TRAPPC10: variants seen among roughly 807,000 people sequenced by gnomAD.
TRAPPC10 encodes the protein TRAPP 130 kDa subunit.
Under a neutral mutation model 125.5 loss-of-function variants are expected in TRAPPC10, and 23 were observed. The observed-to-expected ratio is 0.18, with a 90% CI of 0.13 to 0.26. The LOEUF (loss-of-function observed/expected upper bound fraction) is 0.26. Ranked by LOEUF, TRAPPC10 falls within the 10% of genes least tolerant of loss-of-function variation. The pLI is 1.00. For missense variants in TRAPPC10, 1,123 were observed against 1,308.4 expected (o/e 0.86, Z 2.19); for synonymous variants, 509 against 518.0 (o/e 0.98, Z 0.24).
At chr21:44,092,130 T>C in intron 19 of TRAPPC10, 81 bp downstream of exon 19, 3 of 1,553,318 alleles carry the variant, frequency 1.9e-6, no homozygotes, top group Non-Finnish European at 2.6e-6. Flanking sequence ...GTGTTGCGAC[T>C]GAGCCTTTAG....
intron 2 of TRAPPC10, among the ~76,000 whole-genome samples, chr21:44,035,978 A>G (rs928888299): frequency 2.0e-5 from 3 of 152,172 alleles, no homozygotes; most frequent in African/African-American, 7.2e-5. Context: ...AAAAGCAGGA[A>G]TGGGAGAGCA....
intron 6 of TRAPPC10, among the ~76,000 whole-genome samples, chr21:44,061,128 AT>A (rs2036021229): frequency 6.6e-6 from 1 of 150,428 alleles, no homozygotes; most frequent in Admixed American, 6.6e-5. Context: ...TTTAATTTTA[AT>A]TTAATTTAAT....
intron 1 of TRAPPC10, among the ~76,000 whole-genome samples, chr21:44,016,916 A>G (rs557433567): frequency 6.6e-6 from 1 of 152,320 alleles, no homozygotes; most frequent in Non-Finnish European, 1.5e-5. Flanking sequence ...CAGCCTCCCA[A>G]AGTGCTGGGA....
intron 13 of TRAPPC10, among the ~76,000 whole-genome samples, chr21:44,081,006 TTTTTTTTTTTC>T (rs1293199107): frequency 1.3e-5 from 1 of 74,808 alleles, no homozygotes; most frequent in Non-Finnish European, 2.1e-5. Context: ...ATTATTGTTC[TTTTTTTTTTTC>T]TTTTTTTTTT....
chr21:44,070,144 C>T (rs993249761), intron 7 of TRAPPC10, among the ~76,000 whole-genome samples: 2 of 152,068 alleles, frequency 1.3e-5, no homozygotes, highest in Admixed American at 6.5e-5. Flanking sequence ...GCATAGCAGG[C>T]GTTCACCTAG....
chr21:44,062,529 T>G (rs2145915538), intron 6 of TRAPPC10: 521 of 977,616 alleles, frequency 5.3e-4, no homozygotes, highest in Middle Eastern at 1.1e-3. Flanking sequence ...GAGTGCCCCG[T>G]GAGAATCCTG....
In TRAPPC10 at chr21:44,032,139, A is replaced by C. The variant is rs1194838662; in HGVS notation, c.116A>C (p.Gln39Pro). Residue 39 changes from glutamine (Q) to proline (P), a missense_variant, in exon 2 of 23, where the codon CAG (glutamine) becomes CCG (proline). Gln to Pro is a moderately conservative substitution (Grantham distance 76). Around this residue, in one of 4 missense-constraint regions of TRAPPC10, gnomAD observed 177 missense variants for 228.9 expected, o/e 0.77. Coordinates refer to ENST00000291574, the MANE Select transcript of TRAPPC10 (RefSeq NM_003274.5). ...LFTSVYPTLSQQLPREPMEWR... is the reference protein window; with the variant it reads ...LFTSVYPTLSPQLPREPMEWR... ...ACCTCTGTTTATCCAACGCTCTCTC[A>C]GCAGCTTCCAAGAGAACCAATGGAA... 5 of 1,613,908 alleles carry C rather than the reference A, an allele frequency of 3.1e-6. No homozygotes were observed. The highest frequency in any genetic ancestry group is 4.2e-6 in the Non-Finnish European group (5 of 1,179,958).
intron 2 of TRAPPC10, among the ~76,000 whole-genome samples, chr21:44,035,609 C>T (rs537817313): frequency 5.5e-4 from 83 of 152,190 alleles, no homozygotes; most frequent in South Asian, 2.5e-3. Flanking sequence ...GAAACCCTGT[C>T]TCTTCTAAAA....
At position 44,063,521 on chromosome 21, in the gene TRAPPC10, G is replaced by A. The variant is rs1420270336; in HGVS notation, c.791-17G>A. On this transcript the variant is annotated splice_polypyrimidine_tract_variant and intron_variant, in intron 6 of 22. Coordinates refer to ENST00000291574, the MANE Select transcript of TRAPPC10 (RefSeq NM_003274.5). This position sits in a 1 kb window ranked among gnomAD's most constrained non-coding sequence, Gnocchi z 4.4. ...AGTACCTGCAATCAGCACCTTTCATGATGTGTGTTTGTTTAGATGGTGCCA... is the reference window on the plus strand; with the variant it reads ...AGTACCTGCAATCAGCACCTTTCATAATGTGTGTTTGTTTAGATGGTGCCA... The A allele has an allele frequency of 1.9e-5, 31 of 1,612,942 alleles. No homozygotes were observed. The highest frequency in any genetic ancestry group is 2.5e-5 in the Non-Finnish European group (29 of 1,179,282).
At chr21:44,048,401 G>A (rs1434425632) in intron 3 of TRAPPC10, among the ~76,000 whole-genome samples, 9 of 152,154 alleles carry the variant, frequency 5.9e-5, no homozygotes, top group Non-Finnish European at 1.0e-4. Flanking sequence ...TTGAGGGGAG[G>A]AATCATTGTC....
At chr21:44,077,664 T>G in intron 10 of TRAPPC10, 29 bp from the exon 11 acceptor site, 1 of 1,487,010 alleles carries the variant, frequency 6.7e-7, no homozygotes, top group Non-Finnish European at 9.3e-7. Flanking sequence ...AAAGTTCAAG[T>G]ACATAATTGT....
chr21:44,014,769 A>C (rs1005867444), intron 1 of TRAPPC10, among the ~76,000 whole-genome samples: 2 of 151,982 alleles, frequency 1.3e-5, no homozygotes, highest in African/African-American at 4.8e-5. Context: ...TGGATGGTAC[A>C]CTGTCCTAGA....
intron 4 of TRAPPC10, among the ~76,000 whole-genome samples, chr21:44,054,391 T>C (rs1337304377): frequency 6.6e-6 from 1 of 152,232 alleles, no homozygotes; most frequent in African/African-American, 2.4e-5. Context: ...AATTTAGCCA[T>C]GCCTCCAAAG....
chr21:44,012,470 C>A lies in TRAPPC10; in HGVS notation c.-24C>A. Reference sequence around the variant, plus strand: ...GGGGCTGCCCATGGGGCGCGGGGGGCCGGGCCGGTGACGCCGGACGCCCAT... The same window carrying A: ...GGGGCTGCCCATGGGGCGCGGGGGGACGGGCCGGTGACGCCGGACGCCCAT... On this transcript the variant is annotated 5_prime_UTR_variant, in exon 1 of 23. Coordinates refer to ENST00000291574, the MANE Select transcript of TRAPPC10 (RefSeq NM_003274.5). The A allele has an allele frequency of 6.9e-7, 1 of 1,445,554 alleles. No individual in the cohort carries two copies. The highest frequency in any genetic ancestry group is 9.2e-7 in the Non-Finnish European group (1 of 1,086,904). The allele number at this position is 1,445,554 out of a possible 1,614,324, so 89.5% of individuals were successfully genotyped here. A position where few individuals can be genotyped will look rare whatever the true frequency, so the allele number is the denominator to read the frequency against.
chr21:44,060,826 C>T (rs1363762951), intron 6 of TRAPPC10, among the ~76,000 whole-genome samples: 1 of 151,750 alleles, frequency 6.6e-6, no homozygotes, highest in African/African-American at 2.4e-5. Flanking sequence ...GTCTCGAACT[C>T]CTGGCCCCAA....
At chr21:44,017,277 C>T (rs1601540546) in intron 1 of TRAPPC10, among the ~76,000 whole-genome samples, 1 of 152,164 alleles carries the variant, frequency 6.6e-6, no homozygotes, top group Non-Finnish European at 1.5e-5. Flanking sequence ...GGTTACAAAC[C>T]ATTCCATCTT....
Position 44,079,775 on chromosome 21 carries a change from T to C in TRAPPC10, c.1610+71T>C, listed in dbSNP as rs1005661609. ...ATACGGCAACATTGCCCACAATCAA[T>C]GTTTCATTCACACCTATTATTAAGG... On this transcript the variant is annotated intron_variant, in intron 12 of 22. Coordinates refer to ENST00000291574, the MANE Select transcript of TRAPPC10 (RefSeq NM_003274.5). 4.0e-6 allele frequency: 6 copies of C among 1,509,114 alleles called. No homozygotes were observed. The Admixed American group carries it at 1.0e-4, about 26-fold the overall frequency. The allele number at this position is 1,509,114 out of a possible 1,614,324, so 93.5% of individuals were successfully genotyped here. A position where few individuals can be genotyped will look rare whatever the true frequency, so the allele number is the denominator to read the frequency against.
At chr21:44,030,239 G>A (rs1872338507) in intron 1 of TRAPPC10, among the ~76,000 whole-genome samples, 1 of 147,470 alleles carries the variant, frequency 6.8e-6, no homozygotes, top group African/African-American at 2.5e-5. Context: ...GAGAGAGAGA[G>A]CGAGAGAGTG....
At chr21:44,056,109 C>T (rs1046741950) in intron 5 of TRAPPC10, among the ~76,000 whole-genome samples, 2 of 152,090 alleles carry the variant, frequency 1.3e-5, no homozygotes, top group African/African-American at 2.4e-5. Context: ...CCCCGGGGAG[C>T]CTCTGGGGGC....
Sources: gnomAD v4.1 joint callset for allele counts (sites outside exome capture counted in the v4.1 genomes callset) on GRCh38, gnomAD v4.1.1 for gene constraint, gnomAD v4.1.1 regional missense constraint, Gnocchi (gnomAD v3.1) non-coding constraint, MANE v1.5 for transcripts, NCBI Gene and HGNC (gene_info 2026-07-23, HGNC 2026-07-21) for gene names.